The following FGFR2 variants were observed in gnomAD, a reference collection of about 807,000 sequenced individuals.
FGFR2 encodes fibroblast growth factor receptor 2, also known as BEK fibroblast growth factor receptor.
Under a neutral mutation model 95.9 loss-of-function variants are expected in FGFR2, and 19 were observed. That is an observed-to-expected ratio of 0.20 (90% CI 0.14 to 0.29). FGFR2 has a LOEUF of 0.29. Among genes scored for constraint, FGFR2 ranks in the 10% least tolerant of loss-of-function variants. The pLI is 1.00. For synonymous variants in FGFR2, 392 were observed against 393.3 expected (o/e 1.00, Z 0.04); for missense variants, 707 against 1,056.9 (o/e 0.67, Z 4.59).
rs41302329 is a variant in FGFR2, at chr10:121,550,956, C to T, written c.624+334G>A. Among the ~76,000 whole-genome samples the T allele has an allele frequency of 3.4e-3, 514 of 152,262 alleles. 1 individual carries two copies. The highest frequency in any genetic ancestry group is 0.01 in the Middle Eastern group (3 of 294). On this transcript the variant is annotated intron_variant, in intron 5 of 17. Coordinates refer to ENST00000358487, the MANE Select transcript of FGFR2 (RefSeq NM_000141.5). Reference sequence around the variant, plus strand: ...AAATGTAGGGCTGGGCATCGTGGCTCACACCTGTAATCCCAACACTTTGGG... The same window carrying T: ...AAATGTAGGGCTGGGCATCGTGGCTTACACCTGTAATCCCAACACTTTGGG...
At position 121,503,179 on chromosome 10, in the gene FGFR2, G is replaced by A. The variant is rs547723878; in HGVS notation, c.1439+611C>T. On this transcript the variant is annotated intron_variant, in intron 10 of 17. Coordinates refer to ENST00000358487, the MANE Select transcript of FGFR2 (RefSeq NM_000141.5). ...GAGCTCCAGTACGTGGAGTTCAAGC[G>A]AGACCAAGAGATACGTAGCCCCAAC... 7.2e-5 allele frequency among the ~76,000 whole-genome samples: 11 copies of A among 152,308 alleles called. No homozygotes were observed. In the East Asian group the frequency reaches 1.7e-3, roughly 24 times the overall value.
At chr10:121,568,737 T>C (rs180916644) in intron 2 of FGFR2, among the ~76,000 whole-genome samples, 57 of 152,308 alleles carry the variant, frequency 3.7e-4, no homozygotes, top group Non-Finnish European at 7.5e-4. Context: ...TAAATGAAAG[T>C]GTTTTCATTG....
At chr10:121,486,387 C>T (rs1845405161) in intron 15 of FGFR2, among the ~76,000 whole-genome samples, 1 of 152,104 alleles carries the variant, frequency 6.6e-6, no homozygotes, top group Admixed American at 6.6e-5. Context: ...ACTATGGTAG[C>T]ACAGAATTAA....
chr10:121,582,445 T>C (rs539849462), intron 2 of FGFR2, among the ~76,000 whole-genome samples: 11 of 152,290 alleles, frequency 7.2e-5, no homozygotes, highest in Admixed American at 2.6e-4. Context: ...GCTCTGAAAG[T>C]TGTCATCGCA....
At chr10:121,572,160 A>G (rs77543107) in intron 2 of FGFR2, among the ~76,000 whole-genome samples, 8 of 1,244 alleles carry the variant, frequency 6.4e-3, no homozygotes, top group East Asian at 0.12. Flanking sequence ...CAAAAAATGA[A>G]AAAAAAAAAA....
At chr10:121,491,714 C>CA (rs2133880618) in intron 13 of FGFR2, among the ~76,000 whole-genome samples, 1 of 151,924 alleles carries the variant, frequency 6.6e-6, no homozygotes, top group South Asian at 2.1e-4. Context: ...ACTAAAAACA[C>CA]AAAAAATTAG....
At chr10:121,576,863 G>A (rs1859853519) in intron 2 of FGFR2, among the ~76,000 whole-genome samples, 1 of 151,850 alleles carries the variant, frequency 6.6e-6, no homozygotes, top group South Asian at 2.1e-4. Context: ...GGCCGGGCAT[G>A]GTGGCTCATG....
chr10:121,581,941 T>TTTTA lies in FGFR2; in HGVS notation c.109+11764_109+11767dup, dbSNP rs78380374. ...TTTGTTTATTTATTTTGATTTTTTT[T>TTTTA]TTTATTTTTGAGACAGAGTCTCACC... On this transcript the variant is annotated intron_variant, in intron 2 of 17. Transcript: ENST00000358487. Among the ~76,000 whole-genome samples, 62 of 148,874 alleles carry TTTTA rather than the reference T, an allele frequency of 4.2e-4. No homozygotes were observed. The Middle Eastern group carries it at 0.01, about 25-fold the overall frequency.
intron 11 of FGFR2, 69 bp downstream of exon 11, chr10:121,500,757 C>G: frequency 6.2e-7 from 1 of 1,602,114 alleles, no homozygotes; most frequent in African/African-American, 1.3e-5. Flanking sequence ...GTTCACATGC[C>G]ACAAAAGGAA....
chr10:121,587,102 G>A (rs117728457), intron 2 of FGFR2, among the ~76,000 whole-genome samples: 36 of 152,182 alleles, frequency 2.4e-4, no homozygotes, highest in Non-Finnish European at 4.0e-4. Context: ...CACACCTACC[G>A]CACACCTACG....
intron 2 of FGFR2, among the ~76,000 whole-genome samples, chr10:121,591,007 GCA>G (rs374221630): frequency 0.017 from 2,483 of 143,612 alleles, 43 homozygotes; most frequent in East Asian, 0.054. Flanking sequence ...ACACACACAC[GCA>G]CACTCTCTCT....
chr10:121,519,132 T>C (rs570554581), intron 7 of FGFR2, among the ~76,000 whole-genome samples: 49 of 152,288 alleles, frequency 3.2e-4, no homozygotes, highest in Admixed American at 7.2e-4. Context: ...AACACTTCAT[T>C]GGCTGAAAGT....
At chr10:121,544,971 C>T (rs776151000) in intron 5 of FGFR2, among the ~76,000 whole-genome samples, 1 of 152,050 alleles carries the variant, frequency 6.6e-6, no homozygotes, top group African/African-American at 2.4e-5. Flanking sequence ...AGTGAGACCC[C>T]GTCTCTACAA....
rs140221673 is a variant in FGFR2, at chr10:121,558,276, C to G, written c.454+6226G>C. 5.3e-3 allele frequency among the ~76,000 whole-genome samples: 800 copies of G among 152,336 alleles called. 7 individuals carry two copies. The highest frequency in any genetic ancestry group is 0.018 in the African/African-American group (757 of 41,574). ...TTTTCTATGCGAAAGGATAAATTCT[C>G]AACCCTTCAAAACCCTCAACCTGGA... On this transcript the variant is annotated intron_variant, in intron 4 of 17. Coordinates refer to ENST00000358487, the MANE Select transcript of FGFR2 (RefSeq NM_000141.5).
At chr10:121,490,717 G>A (rs1333395482) in intron 13 of FGFR2, among the ~76,000 whole-genome samples, 2 of 152,132 alleles carry the variant, frequency 1.3e-5, no homozygotes, top group African/African-American at 2.4e-5. Flanking sequence ...AAATGGGGGC[G>A]ATCTTAGGCA....
intron 2 of FGFR2, among the ~76,000 whole-genome samples, chr10:121,586,117 T>C (rs558542903): frequency 3.3e-5 from 5 of 152,334 alleles, no homozygotes; most frequent in African/African-American, 1.2e-4. Context: ...AACTGGTCAC[T>C]ATGGAAAATT....
intron 7 of FGFR2, among the ~76,000 whole-genome samples, chr10:121,519,170 T>C (rs1850148409): frequency 6.6e-6 from 1 of 152,188 alleles, no homozygotes; most frequent in Non-Finnish European, 1.5e-5. Flanking sequence ...ATGGTTCTAC[T>C]GGAAGAATGT....
chr10:121,504,075 T>C, intron 9 of FGFR2, 134 bp from the exon 10 acceptor site: 1 of 998,136 alleles, frequency 1.0e-6, no homozygotes, highest in Admixed American at 2.0e-5. Context: ...AGAAACCAAA[T>C]TAGAAAACCA....
chr10:121,571,345 C>T (rs1354278510), intron 2 of FGFR2, among the ~76,000 whole-genome samples: 1 of 123,220 alleles, frequency 8.1e-6, no homozygotes, highest in Non-Finnish European at 1.6e-5. Context: ...CTCTCCCAGG[C>T]TGGAGTGCAG....
Sources: gnomAD v4.1 joint callset for allele counts (sites outside exome capture counted in the v4.1 genomes callset) on GRCh38, gnomAD v4.1.1 for gene constraint, MANE v1.5 for transcripts, NCBI Gene and HGNC (gene_info 2026-07-23, HGNC 2026-07-21) for gene names.